Variants in SLC35D4 observed in about 807,000 individuals in gnomAD.
The protein encoded by SLC35D4 is solute carrier family 35 member D4, also known as UDP-N-acetylglucosamine transporter SLC35D4.
the SLC35D4 span, among the ~76,000 whole-genome samples, chr18:23,317,842 C>T: frequency 5.5e-4 from 83 of 152,018 alleles, no homozygotes; most frequent in African/African-American, 1.3e-3. Flanking sequence ...ACGGTTCAAG[C>T]GATTCTTGTG....
the SLC35D4 span, among the ~76,000 whole-genome samples, chr18:23,278,090 G>A: frequency 6.6e-6 from 1 of 152,120 alleles, no homozygotes; most frequent in Non-Finnish European, 1.5e-5. Context: ...TGGGCACAGG[G>A]AAGGGAGGAA....
the SLC35D4 span, among the ~76,000 whole-genome samples, chr18:23,411,553 G>T: frequency 3.3e-5 from 5 of 151,132 alleles, no homozygotes; most frequent in Admixed American, 1.3e-4. Context: ...AAGAAAGAAA[G>T]GTGTGTGCTG....
the SLC35D4 span, among the ~76,000 whole-genome samples, chr18:23,418,561 G>A: frequency 1.3e-5 from 2 of 151,480 alleles, no homozygotes; most frequent in Admixed American, 6.6e-5. Context: ...TGTTGGCCAG[G>A]CTGGTCACCT....
At chr18:23,385,919 CAGG>C in the SLC35D4 span, among the ~76,000 whole-genome samples, 5 of 151,784 alleles carry the variant, frequency 3.3e-5, no homozygotes, top group East Asian at 9.7e-4. Flanking sequence ...ATCACGAGGT[CAGG>C]AGATCGAGCC....
At chr18:23,248,026 G>A in the SLC35D4 span, among the ~76,000 whole-genome samples, 1 of 152,242 alleles carries the variant, frequency 6.6e-6, no homozygotes, top group Non-Finnish European at 1.5e-5. Flanking sequence ...GACCCCAAGA[G>A]CTAGGACAAG....
At chr18:23,267,053 C>T in the SLC35D4 span, among the ~76,000 whole-genome samples, 1 of 152,204 alleles carries the variant, frequency 6.6e-6, no homozygotes, top group African/African-American at 2.4e-5. Flanking sequence ...TGCCCTAAAC[C>T]GCATCTGCAT....
chr18:23,301,481 A>G, the SLC35D4 span, among the ~76,000 whole-genome samples: 2 of 152,204 alleles, frequency 1.3e-5, no homozygotes, highest in Non-Finnish European at 2.9e-5. Flanking sequence ...ATCTTTACTC[A>G]AAGATTATAT....
the SLC35D4 span, among the ~76,000 whole-genome samples, chr18:23,429,711 T>C: frequency 6.6e-6 from 1 of 152,192 alleles, no homozygotes; most frequent in Non-Finnish European, 1.5e-5. Flanking sequence ...TTCTGACTGG[T>C]ATGAGGTGGT....
At chr18:23,402,427 A>C in the SLC35D4 span, among the ~76,000 whole-genome samples, 2 of 152,228 alleles carry the variant, frequency 1.3e-5, no homozygotes, top group Non-Finnish European at 2.9e-5. Flanking sequence ...ATCCACACAC[A>C]AACGAAAAGC....
chr18:23,363,601 C>G, the SLC35D4 span, among the ~76,000 whole-genome samples: 1 of 151,960 alleles, frequency 6.6e-6, no homozygotes, highest in East Asian at 1.9e-4. Flanking sequence ...GTCTCGATCT[C>G]CTGACCTCGT....
At chr18:23,416,337 C>G in the SLC35D4 span, among the ~76,000 whole-genome samples, 2 of 152,200 alleles carry the variant, frequency 1.3e-5, no homozygotes, top group African/African-American at 4.8e-5. Flanking sequence ...TCCAGCCCCA[C>G]CATTACAATC....
At chr18:23,432,077 A>G in the SLC35D4 span, among the ~76,000 whole-genome samples, 1 of 152,178 alleles carries the variant, frequency 6.6e-6, no homozygotes, top group Non-Finnish European at 1.5e-5. Flanking sequence ...TTTACTACAT[A>G]ATTCAATATG....
At chr18:23,247,437 G>A in the SLC35D4 span, among the ~76,000 whole-genome samples, 1 of 152,338 alleles carries the variant, frequency 6.6e-6, no homozygotes, top group Admixed American at 6.5e-5. Flanking sequence ...CAGCTTATGT[G>A]CTGGGCCCCT....
chr18:23,263,587 T>C, the SLC35D4 span, among the ~76,000 whole-genome samples: 1 of 152,272 alleles, frequency 6.6e-6, no homozygotes. Flanking sequence ...CACCAGCTAG[T>C]GTCTCGTGGT....
At chr18:23,304,934 A>G in the SLC35D4 span, among the ~76,000 whole-genome samples, 1 of 152,242 alleles carries the variant, frequency 6.6e-6, no homozygotes, top group Non-Finnish European at 1.5e-5. Context: ...CTTCTTATTC[A>G]CTGGGCATTA....
the SLC35D4 span, among the ~76,000 whole-genome samples, chr18:23,248,512 CTTTTTTTTTT>C: frequency 6.3e-4 from 57 of 90,730 alleles, no homozygotes; most frequent in African/African-American, 1.1e-3. Context: ...GACCCTATGT[CTTTTTTTTTT>C]TTTTTTTTTT....
the SLC35D4 span, among the ~76,000 whole-genome samples, chr18:23,304,055 T>TAAA: frequency 3.0e-3 from 429 of 142,870 alleles, 4 homozygotes; most frequent in African/African-American, 0.011. Flanking sequence ...GTGTTTAAAT[T>TAAA]AAAAAAAAAA....
the SLC35D4 span, among the ~76,000 whole-genome samples, chr18:23,279,012 C>CAA: frequency 4.3e-3 from 415 of 96,060 alleles, 2 homozygotes; most frequent in African/African-American, 0.011. Flanking sequence ...GACCCCATCT[C>CAA]AAAAAAAAAA....
the SLC35D4 span, among the ~76,000 whole-genome samples, chr18:23,277,620 G>C: frequency 2.0e-5 from 3 of 152,218 alleles, no homozygotes; most frequent in African/African-American, 7.2e-5. Context: ...GCACCAGACA[G>C]AGTTAAACAG....
Sources: allele counts gnomAD v4.1 joint callset (sites outside exome capture counted in the v4.1 genomes callset), GRCh38; gene constraint gnomAD v4.1.1; transcripts MANE v1.5; gene names NCBI Gene and HGNC (gene_info 2026-07-23, HGNC 2026-07-21).